REEP6: variants seen among roughly 807,000 people sequenced by gnomAD.
REEP6 encodes receptor accessory protein 6.
A neutral mutation model predicts 22.4 loss-of-function variants in REEP6; 19 were observed. The ratio of observed to expected loss-of-function variants is 0.85; its 90% CI spans 0.59 to 1.25. The LOEUF (loss-of-function observed/expected upper bound fraction) is 1.25, where lower values mean the gene tolerates loss of function less well. Ranked by LOEUF, REEP6 falls within the 50% of genes most tolerant of loss-of-function variation. The pLI is 0.00. For missense variants in REEP6, 273 were observed against 251.9 expected (o/e 1.08, Z -0.57); for synonymous variants, 121 against 113.6 (o/e 1.06, Z -0.41).
At position 1,495,520 on chromosome 19, in the gene REEP6, C is replaced by G. The variant is rs371871511; in HGVS notation, c.261C>G (p.Thr87=). ...AGGACGACGACACTGTGTGGCTCAC[C>G]TACTGGGTGGTGTACGCCCTGTTTG... The part of the protein sequence containing the change: ...PSKDDDTVWL[T]YWVVYALFGL... The change falls in exon 3 of 5, where the codon ACC becomes ACG. Residue 87 remains threonine, a synonymous_variant. Coordinates refer to ENST00000233596, the MANE Select transcript of REEP6 (RefSeq NM_138393.4). 7.4e-6 allele frequency: 12 copies of G among 1,613,970 alleles called. No homozygotes were observed. The African/African-American group carries it at 1.6e-4, about 22-fold the overall frequency.
At position 1,491,275 on chromosome 19, in the gene REEP6, C is replaced by A. The variant is rs1358942775; in HGVS notation, c.6C>A (p.Asp2Glu). The A allele has an allele frequency of 4.1e-6, 6 of 1,463,756 alleles. No individual in the cohort carries two copies. The South Asian group carries it at 6.7e-5, about 16-fold the overall frequency. 90.7% of individuals were successfully genotyped at this position (1,463,756 alleles called of 1,614,324 possible). The change falls in exon 1 of 5, where the codon GAC becomes GAA. Residue 2 changes from aspartate to glutamate, a missense_variant. Transcript: ENST00000233596. This position sits in a 1 kb window ranked among gnomAD's most constrained non-coding sequence, Gnocchi z 5.4. ...ACCCCGGGCGCGTCGGGGCCATGGA[C>A]GGCCTGAGGCAGCGCGTGGAGCACT... M[D>E]GLRQRVEHFL...
At position 1,495,373 on chromosome 19, in the gene REEP6, C is replaced by T. The variant is rs1455826354; in HGVS notation, c.195C>T (p.Tyr65=). 1 of 1,613,796 alleles carries T rather than the reference C, an allele frequency of 6.2e-7. No homozygotes were observed. Among genetic ancestry groups the T allele is most frequent in the Non-Finnish European group, 8.5e-7 (1 of 1,180,012 alleles). ...TGTGCAATCTCATCGGATTTGTGTA[C>T]CCCGCATATGCCTCGTGAGTGCACG... ...SLLCNLIGFV[Y]PAYASIKAIE... Residue 65 remains tyrosine, a synonymous_variant, in exon 2 of 5, where the codon TAC becomes TAT. Coordinates refer to ENST00000233596, the MANE Select transcript of REEP6 (RefSeq NM_138393.4).
intron 1 of REEP6, among the ~76,000 whole-genome samples, chr19:1,493,086 C>T (rs778887783): frequency 4.6e-5 from 7 of 152,180 alleles, no homozygotes; most frequent in Non-Finnish European, 8.8e-5. Context: ...CAGTCCTCCA[C>T]CCTGCCCACC....
Position 1,497,287 on chromosome 19 carries a change from A to G in REEP6, c.*76A>G. 1.5e-6 allele frequency: 2 copies of G among 1,332,046 alleles called. No individual in the cohort carries two copies. Among genetic ancestry groups the G allele is most frequent in the Non-Finnish European group, 2.1e-6 (2 of 946,616 alleles). The allele number at this position is 1,332,046 out of a possible 1,614,324, so 82.5% of individuals were successfully genotyped here. A position where few individuals can be genotyped will look rare whatever the true frequency, so the allele number is the denominator to read the frequency against. ...GCGCCAGGCTCCCAGGCCTCCACAG[A>G]GTCTTCAGCGCATCCCCCAACAGCA... On this transcript the variant is annotated 3_prime_UTR_variant, in exon 5 of 5. Coordinates refer to ENST00000233596, the MANE Select transcript of REEP6 (RefSeq NM_138393.4). The surrounding 1 kb of genome is among the most constrained non-coding windows in gnomAD (Gnocchi z 6.5).
intron 1 of REEP6, among the ~76,000 whole-genome samples, chr19:1,493,279 C>T (rs1484494046): frequency 2.0e-5 from 3 of 152,130 alleles, no homozygotes. Flanking sequence ...CCCCATCTCC[C>T]ACCTCCTTTA....
chr19:1,492,298 C>T (rs540644630), intron 1 of REEP6, among the ~76,000 whole-genome samples: 6 of 151,918 alleles, frequency 3.9e-5, no homozygotes, highest in African/African-American at 9.6e-5. Context: ...TATTTTTAGC[C>T]GTTCAACATG....
rs2084938423 is a variant in REEP6, at chr19:1,491,478, C to G, written c.115+94C>G. On this transcript the variant is annotated intron_variant, in intron 1 of 4. Coordinates refer to ENST00000233596, the MANE Select transcript of REEP6 (RefSeq NM_138393.4). The surrounding 1 kb of genome is among the most constrained non-coding windows in gnomAD (Gnocchi z 5.4). ...CGGACTCCTTCCCCGGCTACGGGGT[C>G]CGGTCCGGCCGGTGGAGCGCGCGAG... The G allele has an allele frequency of 2.3e-6, 2 of 854,604 alleles. No homozygotes were observed. The highest frequency in any genetic ancestry group is 3.3e-5 in the East Asian group (1 of 29,870). The allele number at this position is 854,604 out of a possible 1,614,324, so 52.9% of individuals were successfully genotyped here.
At position 1,496,045 on chromosome 19, in the gene REEP6, A is replaced by C. The variant is rs561805707; in HGVS notation, c.349-240A>C. The C allele has an allele frequency of 1.1e-3, 614 of 568,926 alleles. 1 individual carries two copies. The highest frequency in any genetic ancestry group is 5.4e-3 in the African/African-American group (288 of 53,472). The allele number at this position is 568,926 out of a possible 1,614,324, so 35.2% of individuals were successfully genotyped here. ...AAAGTGTGTCTGACGGTGGAGACCC[A>C]GGCCTGTCCCAGTAGGACGTCTGAT... On this transcript the variant is annotated intron_variant, in intron 3 of 4. Coordinates refer to ENST00000233596, the MANE Select transcript of REEP6 (RefSeq NM_138393.4).
chr19:1,496,158 A>ATCTC, intron 3 of REEP6, 127 bp from the exon 4 acceptor site: 1 of 1,187,116 alleles, frequency 8.4e-7, no homozygotes, highest in Non-Finnish European at 1.2e-6. Flanking sequence ...CCCACCCTAA[A>ATCTC]GGGTGTCTGA....
At chr19:1,496,717 T>TGTGC (rs767301493) in intron 4 of REEP6, 43 of 584,102 alleles carry the variant, frequency 7.4e-5, no homozygotes, top group African/African-American at 5.0e-4. Context: ...TGTGTGTGTG[T>TGTGC]GCGCGCGCGC....
At chr19:1,492,475 T>A (rs2084970063) in intron 1 of REEP6, among the ~76,000 whole-genome samples, 1 of 151,716 alleles carries the variant, frequency 6.6e-6, no homozygotes, top group African/African-American at 2.4e-5. Flanking sequence ...CTCACTATGT[T>A]ACCCAGACTA....
At chr19:1,492,814 T>C (rs1294887729) in intron 1 of REEP6, among the ~76,000 whole-genome samples, 1 of 152,136 alleles carries the variant, frequency 6.6e-6, no homozygotes, top group East Asian at 1.9e-4. Context: ...GCCCACACCC[T>C]GGAGGTCCCC....
At position 1,491,426 on chromosome 19, in the gene REEP6, G is replaced by T; in HGVS notation, c.115+42G>T. The T allele has an allele frequency of 7.6e-7, 1 of 1,311,994 alleles. No individual in the cohort carries two copies. The highest frequency in any genetic ancestry group is 1.0e-6 in the Non-Finnish European group (1 of 1,001,694). 81.3% of individuals were successfully genotyped at this position (1,311,994 alleles called of 1,614,324 possible). A position where few individuals can be genotyped will look rare whatever the true frequency, so the allele number is the denominator to read the frequency against. On this transcript the variant is annotated intron_variant, in intron 1 of 4. Coordinates refer to ENST00000233596, the MANE Select transcript of REEP6 (RefSeq NM_138393.4). This position sits in a 1 kb window ranked among gnomAD's most constrained non-coding sequence, Gnocchi z 5.4. ...AGCCCGTTTCGCCGACGGGCACACC[G>T]AGGCCATGGGCCTGGGGGTCGCAGA...
Position 1,491,192 on chromosome 19 carries a change from A to G in REEP6, c.-78A>G. Reference sequence around the variant, plus strand: ...GAGCATCGCGGCTCAGGCTGCGGGAAAGCGGTGCGCGTGCAGCGGGGTGGG... The same window carrying G: ...GAGCATCGCGGCTCAGGCTGCGGGAGAGCGGTGCGCGTGCAGCGGGGTGGG... On this transcript the variant is annotated 5_prime_UTR_variant, in exon 1 of 5. Transcript: ENST00000233596. This position sits in a 1 kb window ranked among gnomAD's most constrained non-coding sequence, Gnocchi z 5.4. 9.6e-7 allele frequency: 1 copy of G among 1,044,468 alleles called. No homozygotes were observed. Among genetic ancestry groups the G allele is most frequent in the Non-Finnish European group, 1.3e-6 (1 of 766,194 alleles). 64.7% of individuals were successfully genotyped at this position (1,044,468 alleles called of 1,614,324 possible). A position where few individuals can be genotyped will look rare whatever the true frequency, so the allele number is the denominator to read the frequency against.
intron 2 of REEP6, 26 bp downstream of exon 2, chr19:1,495,413 C>G: frequency 6.2e-7 from 1 of 1,613,764 alleles, no homozygotes; most frequent in Non-Finnish European, 8.5e-7. Flanking sequence ...GCTGCCCACG[C>G]GGGGGGTTCT....
rs759398152 is a variant in REEP6 at position 1,496,681 on chromosome 19, C to T, written c.517+228C>T. On this transcript the variant is annotated intron_variant, in intron 4 of 4. Transcript: ENST00000233596. ...CCCCTGGAAGCTGACCGTACGTAACCGCTGTGGGGAGATAGGAGCTGTGTG... is the reference window on the plus strand; with the variant it reads ...CCCCTGGAAGCTGACCGTACGTAACTGCTGTGGGGAGATAGGAGCTGTGTG... The T allele has an allele frequency of 5.6e-5, 40 of 712,300 alleles. 1 individual carries two copies. The highest frequency in any genetic ancestry group is 3.6e-4 in the South Asian group (24 of 67,106). The allele number at this position is 712,300 out of a possible 1,614,324, so 44.1% of individuals were successfully genotyped here.
intron 3 of REEP6, 31 bp from the exon 4 acceptor site, chr19:1,496,254 G>A (rs747211216): frequency 6.3e-7 from 1 of 1,581,894 alleles, no homozygotes; most frequent in Non-Finnish European, 8.6e-7. Flanking sequence ...AGCTGGGTGG[G>A]CCCGCGTGTA....
At position 1,497,235 on chromosome 19, in the gene REEP6, G is replaced by A. The variant is rs139433286; in HGVS notation, c.*24G>A. The A allele has an allele frequency of 1.7e-3, 2,594 of 1,549,968 alleles. 29 individuals carry two copies. In the East Asian group the frequency reaches 0.024, roughly 14 times the overall value. ...GAAGCAGCCCCCTGAGCCTCACAAG[G>A]ACCTCCTGGCTGGTGAGGAGGGGGC... On this transcript the variant is annotated 3_prime_UTR_variant, in exon 5 of 5. Transcript: ENST00000233596. The surrounding 1 kb of genome is among the most constrained non-coding windows in gnomAD (Gnocchi z 6.5).
In REEP6 at chr19:1,491,196, G is replaced by A. The variant is rs976752619; in HGVS notation, c.-74G>A. 9.3e-7 allele frequency: 1 copy of A among 1,072,494 alleles called. No homozygotes were observed. The highest frequency in any genetic ancestry group is 3.7e-5 in the Admixed American group (1 of 26,786). The allele number at this position is 1,072,494 out of a possible 1,614,324, so 66.4% of individuals were successfully genotyped here. ...ATCGCGGCTCAGGCTGCGGGAAAGC[G>A]GTGCGCGTGCAGCGGGGTGGGTGCC... is the stretch of plus-strand genomic sequence containing the variant. On this transcript the variant is annotated 5_prime_UTR_variant, in exon 1 of 5. Coordinates refer to ENST00000233596, the MANE Select transcript of REEP6 (RefSeq NM_138393.4). This position sits in a 1 kb window ranked among gnomAD's most constrained non-coding sequence, Gnocchi z 5.4.
Sources: allele counts gnomAD v4.1 joint callset (sites outside exome capture counted in the v4.1 genomes callset), GRCh38; gene constraint gnomAD v4.1.1; non-coding constraint Gnocchi (gnomAD v3.1); transcripts MANE v1.5; gene names NCBI Gene and HGNC (gene_info 2026-07-23, HGNC 2026-07-21).